Variants in GNA14 observed in about 807,000 individuals in gnomAD.
GNA14 encodes guanine nucleotide-binding protein subunit alpha-14.
GNA14 carries 50 observed loss-of-function variants against 42.0 expected under a neutral mutation model. The ratio of observed to expected loss-of-function variants is 1.19; its 90% CI spans 0.95 to 1.51. The LOEUF (loss-of-function observed/expected upper bound fraction) is 1.51, where lower values mean the gene tolerates loss of function less well. GNA14 is among the 40% of genes most tolerant of loss of function. The pLI is 0.00. For missense variants in GNA14, 473 were observed against 446.2 expected, an observed-to-expected ratio of 1.06 and a Z score of -0.54; for synonymous variants, 173 against 163.1, an observed-to-expected ratio of 1.06 and a Z score of -0.46.
At chr9:77,519,534 T>A (rs919302146) in intron 2 of GNA14, among the ~76,000 whole-genome samples, 2 of 152,142 alleles carry the variant, frequency 1.3e-5, no homozygotes, top group African/African-American at 2.4e-5. Flanking sequence ...CAATTTTTTT[T>A]AAAAAAAGCT....
intron 1 of GNA14, among the ~76,000 whole-genome samples, chr9:77,533,733 C>G (rs1351725889): frequency 6.6e-6 from 1 of 152,206 alleles, no homozygotes; most frequent in African/African-American, 2.4e-5. Flanking sequence ...TGCCTCCCCT[C>G]TCCCCCTAAA....
intron 1 of GNA14, among the ~76,000 whole-genome samples, chr9:77,578,008 C>G (rs113919530): frequency 0.024 from 3,613 of 152,230 alleles, 60 homozygotes; most frequent in Middle Eastern, 0.068. Flanking sequence ...TGGCTCATGC[C>G]TGTAATACTA....
intron 2 of GNA14, among the ~76,000 whole-genome samples, chr9:77,445,968 G>C (rs919341896): frequency 6.6e-5 from 10 of 152,172 alleles, no homozygotes; most frequent in African/African-American, 2.4e-4. Context: ...TCTTTTGTCT[G>C]TGCCTATCTT....
chr9:77,607,650 T>G (rs116632673), intron 1 of GNA14, among the ~76,000 whole-genome samples: 2,534 of 152,294 alleles, frequency 0.017, 66 homozygotes, highest in African/African-American at 0.057. Flanking sequence ...GCTCTGTATT[T>G]GTTTCTTAGG....
chr9:77,577,775 C>T (rs1823151754), intron 1 of GNA14, among the ~76,000 whole-genome samples: 1 of 152,108 alleles, frequency 6.6e-6, no homozygotes, highest in Non-Finnish European at 1.5e-5. Flanking sequence ...TTTGGAATTG[C>T]TCTTCCCATC....
intron 2 of GNA14, among the ~76,000 whole-genome samples, chr9:77,459,519 C>T (rs1457306963): frequency 6.6e-6 from 1 of 152,056 alleles, no homozygotes; most frequent in Non-Finnish European, 1.5e-5. Flanking sequence ...TCCTCCCCAA[C>T]ATACGGCCCC....
At chr9:77,527,971 G>A (rs1029703477) in intron 2 of GNA14, among the ~76,000 whole-genome samples, 1 of 152,180 alleles carries the variant, frequency 6.6e-6, no homozygotes, top group Admixed American at 6.5e-5. Context: ...CTGTTACAGG[G>A]TGAAATTGTA....
intron 2 of GNA14, among the ~76,000 whole-genome samples, chr9:77,472,948 A>G (rs1183958425): frequency 6.6e-6 from 1 of 152,174 alleles, no homozygotes; most frequent in African/African-American, 2.4e-5. Context: ...TGAAAAATAA[A>G]TGTCTGTTGT....
intron 2 of GNA14, among the ~76,000 whole-genome samples, chr9:77,452,867 C>T (rs929572644): frequency 6.6e-6 from 1 of 151,944 alleles, no homozygotes; most frequent in Non-Finnish European, 1.5e-5. Context: ...CACATTGGTT[C>T]ATGCCTGTAA....
intron 1 of GNA14, among the ~76,000 whole-genome samples, chr9:77,533,801 A>C (rs1837560843): frequency 6.6e-6 from 1 of 152,152 alleles, no homozygotes; most frequent in African/African-American, 2.4e-5. Flanking sequence ...TTGAACATAG[A>C]GACCTTGCTA....
chr9:77,618,631 T>A (rs1368247870), intron 1 of GNA14, among the ~76,000 whole-genome samples: 3 of 42,522 alleles, frequency 7.1e-5, no homozygotes, highest in Non-Finnish European at 4.1e-5. Context: ...TTTTTTTTTT[T>A]TTTTTTTTTT....
intron 2 of GNA14, among the ~76,000 whole-genome samples, chr9:77,471,453 A>G (rs1274308090): frequency 6.6e-6 from 1 of 152,174 alleles, no homozygotes; most frequent in Non-Finnish European, 1.5e-5. Flanking sequence ...GAGAGGGGCA[A>G]CATGACCCAT....
chr9:77,477,865 GA>G (rs1265885113), intron 2 of GNA14, among the ~76,000 whole-genome samples: 13 of 151,968 alleles, frequency 8.6e-5, no homozygotes, highest in Middle Eastern at 3.2e-3. Context: ...GACAGGTGAG[GA>G]AAATTGAAGA....
chr9:77,551,005 A>G (rs1837779911), intron 1 of GNA14, among the ~76,000 whole-genome samples: 1 of 152,218 alleles, frequency 6.6e-6, no homozygotes, highest in African/African-American at 2.4e-5. Context: ...CTGATGAGGA[A>G]TATCTTCAGG....
At chr9:77,451,127 A>G (rs113250924) in intron 2 of GNA14, among the ~76,000 whole-genome samples, 1,720 of 152,246 alleles carry the variant, frequency 0.011, 34 homozygotes, top group African/African-American at 0.039. Context: ...TATGGGGAAC[A>G]TACGTGTGTC....
chr9:77,489,562 C>T (rs953660141), intron 2 of GNA14, among the ~76,000 whole-genome samples: 6 of 152,172 alleles, frequency 3.9e-5, no homozygotes, highest in African/African-American at 1.2e-4. Context: ...CGCGGACCCT[C>T]GTGGTGAGTG....
chr9:77,504,387 A>T (rs567984842), intron 2 of GNA14, among the ~76,000 whole-genome samples: 4 of 152,266 alleles, frequency 2.6e-5, no homozygotes, highest in Non-Finnish European at 5.9e-5. Context: ...GGGCAAGCTC[A>T]TAACACCACC....
At chr9:77,433,366 A>G (rs1835588863) in intron 3 of GNA14, among the ~76,000 whole-genome samples, 1 of 151,526 alleles carries the variant, frequency 6.6e-6, no homozygotes, top group Non-Finnish European at 1.5e-5. Flanking sequence ...GCCCCGGGAT[A>G]TTATTATTTA....
At chr9:77,590,818 T>A (rs552700375) in intron 1 of GNA14, among the ~76,000 whole-genome samples, 1 of 152,122 alleles carries the variant, frequency 6.6e-6, no homozygotes, top group Non-Finnish European at 1.5e-5. Context: ...AATTCTAGAA[T>A]TGAAGTGGCT....
Sources: allele counts gnomAD v4.1 joint callset (sites outside exome capture counted in the v4.1 genomes callset), GRCh38; gene constraint gnomAD v4.1.1; transcripts MANE v1.5; gene names NCBI Gene and HGNC (gene_info 2026-07-23, HGNC 2026-07-21).